The following ADAMTS12 variants were observed in gnomAD, a reference collection of about 807,000 sequenced individuals.
The protein encoded by ADAMTS12 is A disintegrin and metalloproteinase with thrombospondin motifs 12.
In ADAMTS12, 118 loss-of-function variants were observed where a neutral mutation model predicts 167.8. The observed-to-expected ratio is 0.70, with a 90% CI of 0.61 to 0.82. The LOEUF is 0.82. Ranked by LOEUF, ADAMTS12 falls within the 40% of genes least tolerant of loss-of-function variation. The probability of loss-of-function intolerance (pLI) is 0.00; values close to 1 mark genes in which losing one functional copy is unlikely to be tolerated. For missense variants in ADAMTS12, 1,916 were observed against 1,998.8 expected, an observed-to-expected ratio of 0.96 and a Z score of 0.79; for synonymous variants, 704 against 716.9, an observed-to-expected ratio of 0.98 and a Z score of 0.29.
intron 19 of ADAMTS12, among the ~76,000 whole-genome samples, chr5:33,566,646 TC>T (rs1288678162): frequency 6.6e-6 from 1 of 152,184 alleles, no homozygotes; most frequent in Non-Finnish European, 1.5e-5. Flanking sequence ...TGCAATAACC[TC>T]CCAATAGGTC....
At chr5:33,756,514 T>G (rs10472891) in intron 2 of ADAMTS12, among the ~76,000 whole-genome samples, 33,098 of 152,064 alleles carry the variant, frequency 0.22, 4,852 homozygotes, top group East Asian at 0.55. Flanking sequence ...GCCAAAATAA[T>G]AAGTCAGCAG....
chr5:33,654,856 A>G (rs1740988530), intron 7 of ADAMTS12, among the ~76,000 whole-genome samples: 1 of 143,334 alleles, frequency 7.0e-6, no homozygotes, highest in South Asian at 2.4e-4. Context: ...TAGAGAGAAC[A>G]GGCGTATGTG....
At chr5:33,646,459 G>A (rs1740666816) in intron 9 of ADAMTS12, among the ~76,000 whole-genome samples, 1 of 152,130 alleles carries the variant, frequency 6.6e-6, no homozygotes, top group Non-Finnish European at 1.5e-5. Context: ...TGAAATCTAG[G>A]TACACAGAAA....
At chr5:33,571,627 T>C (rs974852458) in intron 19 of ADAMTS12, among the ~76,000 whole-genome samples, 9 of 151,620 alleles carry the variant, frequency 5.9e-5, no homozygotes, top group African/African-American at 1.9e-4. Context: ...TAGCACTAAA[T>C]GCCCACAAGA....
intron 18 of ADAMTS12, among the ~76,000 whole-genome samples, chr5:33,585,427 A>AAAAGGG (rs1747298667): frequency 6.6e-6 from 1 of 152,150 alleles, no homozygotes; most frequent in South Asian, 2.1e-4. Context: ...TTTATTGTAA[A>AAAAGGG]CTGCCTGAAA....
In ADAMTS12 at chr5:33,745,333, C is replaced by T. The variant is rs532489286; in HGVS notation, c.634+6071G>A. 2.6e-5 allele frequency among the ~76,000 whole-genome samples: 4 copies of T among 152,228 alleles called. No individual in the cohort carries two copies. The South Asian group carries it at 8.3e-4, about 32-fold the overall frequency. ...AAACTCAAAGCTACTTATTCATTGC[C>T]CTGCAGAGTTGTGGGAAATGCCAGA... On this transcript the variant is annotated intron_variant, in intron 3 of 23. Transcript: ENST00000504830.
intron 23 of ADAMTS12, 47 bp downstream of exon 23, chr5:33,534,786 C>G (rs2111751476): frequency 6.4e-7 from 1 of 1,570,304 alleles, no homozygotes; most frequent in East Asian, 2.2e-5. Flanking sequence ...TGCAGGATGA[C>G]ATTTGTGCAA....
At chr5:33,707,238 C>T (rs1017282771) in intron 3 of ADAMTS12, among the ~76,000 whole-genome samples, 5 of 152,132 alleles carry the variant, frequency 3.3e-5, no homozygotes, top group Admixed American at 1.3e-4. Flanking sequence ...AAGAATCCAA[C>T]TTACAAGGGA....
intron 2 of ADAMTS12, among the ~76,000 whole-genome samples, chr5:33,780,148 C>T (rs1396314072): frequency 1.3e-5 from 2 of 151,948 alleles, no homozygotes; most frequent in Non-Finnish European, 2.9e-5. Context: ...GGAAACCAAC[C>T]AAGAAGTCTG....
intron 2 of ADAMTS12, among the ~76,000 whole-genome samples, chr5:33,876,379 G>A (rs1192070772): frequency 1.3e-5 from 2 of 152,198 alleles, no homozygotes; most frequent in Non-Finnish European, 2.9e-5. Context: ...CAGTCTACCT[G>A]ATTTCATGAC....
chr5:33,598,285 G>A (rs1344911390), intron 16 of ADAMTS12, among the ~76,000 whole-genome samples: 1 of 152,070 alleles, frequency 6.6e-6, no homozygotes, highest in Non-Finnish European at 1.5e-5. Context: ...AACCCAGTAG[G>A]TCGACCCCCT....
chr5:33,799,104 G>A (rs193137480), intron 2 of ADAMTS12, among the ~76,000 whole-genome samples: 2 of 152,264 alleles, frequency 1.3e-5, no homozygotes, highest in East Asian at 3.9e-4. Flanking sequence ...GCGCATGAGG[G>A]ATGAGGCAGT....
At chr5:33,799,596 T>C (rs1746913834) in intron 2 of ADAMTS12, among the ~76,000 whole-genome samples, 1 of 152,236 alleles carries the variant, frequency 6.6e-6, no homozygotes, top group Non-Finnish European at 1.5e-5. Flanking sequence ...ATGGGCATTA[T>C]ACCCATTGGC....
intron 22 of ADAMTS12, among the ~76,000 whole-genome samples, chr5:33,540,577 A>G (rs554012147): frequency 9.8e-5 from 15 of 152,340 alleles, no homozygotes; most frequent in African/African-American, 3.6e-4. Context: ...GACACATCAT[A>G]TAGGCAGCTG....
chr5:33,814,272 A>C (rs1747568061), intron 2 of ADAMTS12, among the ~76,000 whole-genome samples: 1 of 152,182 alleles, frequency 6.6e-6, no homozygotes, highest in South Asian at 2.1e-4. Context: ...TTTGCTTATG[A>C]TATGAGATAG....
intron 17 of ADAMTS12, among the ~76,000 whole-genome samples, chr5:33,592,966 A>G (rs1322343135): frequency 2.0e-5 from 3 of 152,200 alleles, no homozygotes; most frequent in African/African-American, 7.2e-5. Flanking sequence ...ATATTAGTTT[A>G]TTATTTATTT....
intron 3 of ADAMTS12, among the ~76,000 whole-genome samples, chr5:33,736,136 C>T (rs1744366952): frequency 6.6e-6 from 1 of 151,276 alleles, no homozygotes; most frequent in Non-Finnish European, 1.5e-5. Context: ...GATCTCGGCT[C>T]ACTGCAAACT....
chr5:33,588,982 G>A (rs1179842207), intron 17 of ADAMTS12, among the ~76,000 whole-genome samples, 173 bp from the exon 18 acceptor site: 1 of 152,206 alleles, frequency 6.6e-6, no homozygotes. Context: ...TTCAATCATA[G>A]CTCCGTAGCT....
intron 2 of ADAMTS12, among the ~76,000 whole-genome samples, chr5:33,863,010 A>G (rs1749679822): frequency 6.6e-6 from 1 of 152,138 alleles, no homozygotes; most frequent in Non-Finnish European, 1.5e-5. Flanking sequence ...TGCTAAAAAC[A>G]CTCAATAAAC....
Sources: gnomAD v4.1 joint callset for allele counts (sites outside exome capture counted in the v4.1 genomes callset) on GRCh38, gnomAD v4.1.1 for gene constraint, MANE v1.5 for transcripts, NCBI Gene and HGNC (gene_info 2026-07-23, HGNC 2026-07-21) for gene names.